The following AFG2A variants were observed in gnomAD, a reference collection of about 807,000 sequenced individuals.
AFG2A encodes AAA ATPase AFG2A.
the AFG2A span, among the ~76,000 whole-genome samples, chr4:123,216,123 A>G: frequency 1.3e-5 from 2 of 152,160 alleles, no homozygotes; most frequent in African/African-American, 4.8e-5. Context: ...ATATCTCAAG[A>G]CAAAAAAAGA....
At chr4:123,138,105 A>G in the AFG2A span, among the ~76,000 whole-genome samples, 1 of 152,174 alleles carries the variant, frequency 6.6e-6, no homozygotes, top group Middle Eastern at 3.2e-3. Context: ...GTTTTATTCT[A>G]TATTAATTTC....
chr4:123,098,263 CTG>C, the AFG2A span, among the ~76,000 whole-genome samples: 2 of 151,814 alleles, frequency 1.3e-5, no homozygotes, highest in African/African-American at 4.8e-5. Flanking sequence ...AAAATTGTAT[CTG>C]TTTATAGAGT....
At chr4:123,176,556 A>G in the AFG2A span, among the ~76,000 whole-genome samples, 3 of 152,222 alleles carry the variant, frequency 2.0e-5, no homozygotes, top group Non-Finnish European at 4.4e-5. Flanking sequence ...GGATGAATAT[A>G]TGTATACAAG....
At chr4:123,306,281 C>CTTTTTTTTTTTTTTTT in the AFG2A span, among the ~76,000 whole-genome samples, 1 of 152,094 alleles carries the variant, frequency 6.6e-6, no homozygotes. Context: ...GAGATCCTGC[C>CTTTTTTTTTTTTTTTT]TTTGTTGTTT....
At chr4:123,291,759 C>T in the AFG2A span, among the ~76,000 whole-genome samples, 24 of 152,306 alleles carry the variant, frequency 1.6e-4, no homozygotes, top group South Asian at 4.8e-3. Flanking sequence ...TTTATCTTTC[C>T]TTTCAAGTTA....
At chr4:123,069,182 T>C in the AFG2A span, among the ~76,000 whole-genome samples, 1 of 152,170 alleles carries the variant, frequency 6.6e-6, no homozygotes, top group South Asian at 2.1e-4. Flanking sequence ...CATTATCCAT[T>C]TTAGGCCAGT....
the AFG2A span, among the ~76,000 whole-genome samples, chr4:122,952,741 C>T: frequency 6.6e-6 from 1 of 152,112 alleles, no homozygotes. Flanking sequence ...ATAAATATCC[C>T]TGGGGCAAGA....
At chr4:123,180,764 TA>T in the AFG2A span, among the ~76,000 whole-genome samples, 1 of 152,172 alleles carries the variant, frequency 6.6e-6, no homozygotes, top group Non-Finnish European at 1.5e-5. Context: ...ACTTTAAAAT[TA>T]TTTTTTATTA....
At chr4:122,945,081 CAG>C in the AFG2A span, among the ~76,000 whole-genome samples, 1 of 152,226 alleles carries the variant, frequency 6.6e-6, no homozygotes, top group Non-Finnish European at 1.5e-5. Context: ...GCTCGGGTGT[CAG>C]GGGTCAGGGA....
At chr4:123,073,553 T>A in the AFG2A span, among the ~76,000 whole-genome samples, 3 of 152,116 alleles carry the variant, frequency 2.0e-5, no homozygotes, top group South Asian at 2.1e-4. Flanking sequence ...AGGGGGAGTA[T>A]TTTTAGAAAG....
chr4:122,936,146 G>GC, the AFG2A span: 1 of 1,604,910 alleles, frequency 6.2e-7, no homozygotes, highest in Non-Finnish European at 8.5e-7. Context: ...ATTTGCTGAA[G>GC]CCACTCTACG....
the AFG2A span, among the ~76,000 whole-genome samples, chr4:122,932,065 G>A: frequency 2.6e-5 from 4 of 151,976 alleles, no homozygotes; most frequent in African/African-American, 9.7e-5. Context: ...TTAGGAGTTC[G>A]AGACCAGCCT....
At chr4:123,038,959 G>A in the AFG2A span, among the ~76,000 whole-genome samples, 1 of 151,962 alleles carries the variant, frequency 6.6e-6, no homozygotes, top group African/African-American at 2.4e-5. Flanking sequence ...AAAGTATCAA[G>A]AATGTTTACC....
chr4:123,099,724 T>C, the AFG2A span, among the ~76,000 whole-genome samples: 179 of 151,916 alleles, frequency 1.2e-3, no homozygotes, highest in Non-Finnish European at 1.9e-3. Flanking sequence ...TACATTTTCT[T>C]CCACTAAATA....
At chr4:123,283,781 T>C in the AFG2A span, among the ~76,000 whole-genome samples, 1 of 152,178 alleles carries the variant, frequency 6.6e-6, no homozygotes, top group Non-Finnish European at 1.5e-5. Flanking sequence ...CATTTACGTA[T>C]TGCCCATGGC....
chr4:123,231,442 A>G, the AFG2A span, among the ~76,000 whole-genome samples: 2 of 152,108 alleles, frequency 1.3e-5, no homozygotes, highest in East Asian at 3.9e-4. Flanking sequence ...GAAGAGGGTT[A>G]GGGCCTTGCT....
chr4:123,102,944 G>A, the AFG2A span, among the ~76,000 whole-genome samples: 2 of 151,978 alleles, frequency 1.3e-5, no homozygotes, highest in Non-Finnish European at 2.9e-5. Flanking sequence ...AAAACATGAA[G>A]AGTTTAAGCT....
the AFG2A span, among the ~76,000 whole-genome samples, chr4:123,044,908 G>A: frequency 2.6e-5 from 4 of 151,532 alleles, no homozygotes; most frequent in Admixed American, 2.0e-4. Flanking sequence ...TCTTTTAGCT[G>A]TAGAAGCTTC....
At chr4:123,288,572 A>G in the AFG2A span, among the ~76,000 whole-genome samples, 1 of 152,126 alleles carries the variant, frequency 6.6e-6, no homozygotes, top group Non-Finnish European at 1.5e-5. Flanking sequence ...TCATATGGTC[A>G]TTTGCATATT....
Sources: allele counts gnomAD v4.1 joint callset (sites outside exome capture counted in the v4.1 genomes callset), GRCh38; gene constraint gnomAD v4.1.1; transcripts MANE v1.5; gene names NCBI Gene and HGNC (gene_info 2026-07-23, HGNC 2026-07-21).